The following CFAP144 variants were observed in gnomAD, a reference collection of about 807,000 sequenced individuals.
CFAP144 encodes the protein cilia- and flagella-associated protein 144.
the CFAP144 span, among the ~76,000 whole-genome samples, chr1:43,154,099 T>C: frequency 1.5e-4 from 19 of 124,060 alleles, no homozygotes; most frequent in South Asian, 7.6e-4. Flanking sequence ...TATATATATA[T>C]ACTCTCTTTT....
the CFAP144 span, among the ~76,000 whole-genome samples, chr1:43,143,572 G>T: frequency 6.6e-6 from 1 of 152,204 alleles, no homozygotes; most frequent in Non-Finnish European, 1.5e-5. Flanking sequence ...ACTAAAGAAA[G>T]GGGGAGGGTG....
chr1:43,148,073 C>T, the CFAP144 span: 2 of 1,613,114 alleles, frequency 1.2e-6, no homozygotes, highest in African/African-American at 1.3e-5. Flanking sequence ...CACGTGAATC[C>T]CCTCCGCAAG....
At chr1:43,153,105 C>T in the CFAP144 span, 1 of 738,882 alleles carries the variant, frequency 1.4e-6, no homozygotes, top group Non-Finnish European at 2.2e-6. Context: ...TAAAATGGAG[C>T]TAATACAGTA....
chr1:43,152,175 G>T, the CFAP144 span, among the ~76,000 whole-genome samples: 2 of 152,218 alleles, frequency 1.3e-5, no homozygotes, highest in East Asian at 3.9e-4. Flanking sequence ...GTCCGCCTGC[G>T]TCTCTCCGGT....
the CFAP144 span, chr1:43,145,150 G>C: frequency 3.3e-6 from 3 of 907,832 alleles, no homozygotes; most frequent in Non-Finnish European, 5.3e-6. Flanking sequence ...TCTCATGCCT[G>C]GTCAGCCAGC....
chr1:43,147,963 C>T, the CFAP144 span: 1 of 1,613,966 alleles, frequency 6.2e-7, no homozygotes, highest in Non-Finnish European at 8.5e-7. Flanking sequence ...TGGCGGGACA[C>T]CCAAAAGAGA....
the CFAP144 span, among the ~76,000 whole-genome samples, chr1:43,154,048 TTA>T: frequency 5.5e-3 from 607 of 110,514 alleles, 1 homozygote; most frequent in Non-Finnish European, 8.4e-3. Flanking sequence ...TCTTCTCTCT[TTA>T]TATATGTGTG....
At chr1:43,147,090 C>A in the CFAP144 span, among the ~76,000 whole-genome samples, 1 of 152,228 alleles carries the variant, frequency 6.6e-6, no homozygotes, top group Non-Finnish European at 1.5e-5. Flanking sequence ...GGTGATCCAC[C>A]TGCCTCAGCC....
At chr1:43,151,058 A>C in the CFAP144 span, among the ~76,000 whole-genome samples, 1 of 152,190 alleles carries the variant, frequency 6.6e-6, no homozygotes, top group Non-Finnish European at 1.5e-5. Flanking sequence ...GGACATACTC[A>C]ATTATAACTG....
the CFAP144 span, chr1:43,156,166 C>A: frequency 6.3e-7 from 1 of 1,579,104 alleles, no homozygotes; most frequent in Non-Finnish European, 8.7e-7. Flanking sequence ...CCTCCTGCAT[C>A]CTCACAGGCT....
the CFAP144 span, chr1:43,145,249 A>C: frequency 6.5e-7 from 1 of 1,549,756 alleles, no homozygotes; most frequent in East Asian, 2.4e-5. Flanking sequence ...TTGACAGAGA[A>C]TGAAGAGGAG....
chr1:43,152,312 A>G, the CFAP144 span, among the ~76,000 whole-genome samples: 5 of 152,142 alleles, frequency 3.3e-5, no homozygotes, highest in African/African-American at 4.8e-5. Flanking sequence ...GTTGTGCTAC[A>G]CTGGCCAAAC....
chr1:43,149,766 ATAGAAAT>A, the CFAP144 span, among the ~76,000 whole-genome samples: 1 of 152,254 alleles, frequency 6.6e-6, no homozygotes, highest in Non-Finnish European at 1.5e-5. Context: ...ATTTATAAAG[ATAGAAAT>A]TTTATTTGCT....
the CFAP144 span, among the ~76,000 whole-genome samples, chr1:43,143,853 G>A: frequency 1.4e-5 from 2 of 142,936 alleles, no homozygotes; most frequent in African/African-American, 2.8e-5. Context: ...TGCGCTTTGC[G>A]CCATTCTGTG....
chr1:43,145,237 C>T, the CFAP144 span: 40 of 1,547,834 alleles, frequency 2.6e-5, no homozygotes, highest in South Asian at 1.2e-4. Flanking sequence ...ACTGCAGGGC[C>T]ATTGACAGAG....
the CFAP144 span, chr1:43,156,309 A>G: frequency 6.2e-7 from 1 of 1,612,104 alleles, no homozygotes; most frequent in Non-Finnish European, 8.5e-7. Context: ...GATCACCACA[A>G]GTAGCATCCC....
the CFAP144 span, among the ~76,000 whole-genome samples, chr1:43,155,921 C>A: frequency 6.6e-6 from 1 of 152,362 alleles, no homozygotes; most frequent in East Asian, 1.9e-4. Flanking sequence ...TTCATTCTTT[C>A]AGCAAATATG....
chr1:43,154,792 C>G, the CFAP144 span, among the ~76,000 whole-genome samples: 1 of 151,866 alleles, frequency 6.6e-6, no homozygotes, highest in Non-Finnish European at 1.5e-5. Flanking sequence ...AGCCTGGCCT[C>G]GACTCTGATT....
the CFAP144 span, chr1:43,156,340 G>T: frequency 6.5e-7 from 1 of 1,536,156 alleles, no homozygotes; most frequent in Non-Finnish European, 9.0e-7. Context: ...CCCATCTGTG[G>T]ATCTAATGCC....
Sources: gnomAD v4.1 joint callset for allele counts (sites outside exome capture counted in the v4.1 genomes callset) on GRCh38, gnomAD v4.1.1 for gene constraint, MANE v1.5 for transcripts, NCBI Gene and HGNC (gene_info 2026-07-23, HGNC 2026-07-21) for gene names.